ECM2: variants seen among roughly 807,000 people sequenced by gnomAD.
ECM2 encodes the protein extracellular matrix protein 2.
Under a neutral mutation model 67.5 loss-of-function variants are expected in ECM2, and 57 were observed. The observed-to-expected ratio is 0.84, with a 90% confidence interval of 0.68 to 1.05. The LOEUF (loss-of-function observed/expected upper bound fraction) is 1.05, where lower values mean the gene tolerates loss of function less well. Ranked by LOEUF, ECM2 falls within the 50% of genes least tolerant of loss-of-function variation. The probability of loss-of-function intolerance (pLI) is 0.00; values close to 1 mark genes in which losing one functional copy is unlikely to be tolerated. For synonymous variants in ECM2, 258 were observed against 294.5 expected, an observed-to-expected ratio of 0.88 and a Z score of 1.27; for missense variants, 741 against 822.8, an observed-to-expected ratio of 0.90 and a Z score of 1.22.
chr9:92,548,677 CA>C, the ECM2 span, among the ~76,000 whole-genome samples: 1 of 151,930 alleles, frequency 6.6e-6, no homozygotes, highest in African/African-American at 2.4e-5. Context: ...AATGAAGTAA[CA>C]AAAAATAGGC....
intron 4 of ECM2, among the ~76,000 whole-genome samples, chr9:92,514,166 T>A (rs1057429067): frequency 6.6e-6 from 1 of 151,450 alleles, no homozygotes; most frequent in Non-Finnish European, 1.5e-5. Context: ...CTCGCTCTGT[T>A]GCCTAGACTA....
chr9:92,526,949 T>A (rs867770896), intron 1 of ECM2, among the ~76,000 whole-genome samples: 4 of 152,300 alleles, frequency 2.6e-5, no homozygotes, highest in East Asian at 1.9e-4. Flanking sequence ...TACCATTTTT[T>A]AAATTATTTT....
intron 4 of ECM2, among the ~76,000 whole-genome samples, chr9:92,513,526 C>T (rs1466208293): frequency 1.3e-5 from 2 of 152,172 alleles, no homozygotes; most frequent in African/African-American, 4.8e-5. Context: ...TACATAATCA[C>T]CCCAAACTGG....
At chr9:92,530,561 T>G (rs1848684227) in intron 1 of ECM2, among the ~76,000 whole-genome samples, 1 of 152,248 alleles carries the variant, frequency 6.6e-6, no homozygotes, top group South Asian at 2.1e-4. Flanking sequence ...GCCTTGTTTG[T>G]CCTAATGATT....
chr9:92,496,236 A>G lies in ECM2; in HGVS notation c.*79T>C. 1 of 1,498,062 alleles carries G rather than the reference A, an allele frequency of 6.7e-7. No homozygotes were observed. The highest frequency in any genetic ancestry group is 1.4e-5 in the African/African-American group (1 of 70,560). The allele number at this position is 1,498,062 out of a possible 1,614,324, so 92.8% of individuals were successfully genotyped here. A position where few individuals can be genotyped will look rare whatever the true frequency, so the allele number is the denominator to read the frequency against. On this transcript the variant is annotated 3_prime_UTR_variant, in exon 10 of 10. Coordinates refer to ENST00000344604, the MANE Select transcript of ECM2 (RefSeq NM_001393.4). Reference sequence around the variant, plus strand: ...TGATACTGAGTATAACAGGAGGATTATGTCTCTCTTATTAATGACAAATGC... The same window carrying G: ...TGATACTGAGTATAACAGGAGGATTGTGTCTCTCTTATTAATGACAAATGC...
chr9:92,502,685 T>A (rs1306677525), intron 7 of ECM2, 33 bp from the exon 8 acceptor site: 2 of 1,485,092 alleles, frequency 1.3e-6, no homozygotes, highest in African/African-American at 2.8e-5. Flanking sequence ...TTATTTTTCT[T>A]TTGTGTTAGT....
the ECM2 span, among the ~76,000 whole-genome samples, chr9:92,548,670 G>A: frequency 6.6e-6 from 1 of 152,158 alleles, no homozygotes; most frequent in African/African-American, 2.4e-5. Flanking sequence ...AGTTAAGAAT[G>A]AAGTAACAAA....
chr9:92,555,643 T>C, the ECM2 span, among the ~76,000 whole-genome samples: 2 of 152,240 alleles, frequency 1.3e-5, no homozygotes, highest in African/African-American at 4.8e-5. Flanking sequence ...CAGGAACTTA[T>C]TCATCTCTTC....
chr9:92,539,349 C>G (rs1051635077), upstream of ECM2, among the ~76,000 whole-genome samples: 19 of 141,614 alleles, frequency 1.3e-4, no homozygotes, highest in African/African-American at 4.7e-4. Context: ...CCCCGCTCCC[C>G]CACCCCCCAC....
intron 9 of ECM2, among the ~76,000 whole-genome samples, chr9:92,499,723 G>A (rs1203573600): frequency 6.6e-6 from 1 of 152,126 alleles, no homozygotes; most frequent in Non-Finnish European, 1.5e-5. Flanking sequence ...TTAAAAACAC[G>A]AACTTTTCTG....
At chr9:92,538,414 C>A (rs932983262), upstream of ECM2, among the ~76,000 whole-genome samples, 1 of 152,084 alleles carries the variant, frequency 6.6e-6, no homozygotes. Context: ...GTAATTACAG[C>A]GAGACTTTTA....
At chr9:92,516,289 A>T (rs536327133) in intron 3 of ECM2, among the ~76,000 whole-genome samples, 3 of 151,736 alleles carry the variant, frequency 2.0e-5, no homozygotes, top group South Asian at 2.1e-4. Flanking sequence ...GGTCTCGAAC[A>T]CCTGACCTTG....
chr9:92,496,252 T>A lies in ECM2; in HGVS notation c.*63A>T. ...AGGAGGATTATGTCTCTCTTATTAA[T>A]GACAAATGCAGCTACTACAAATACA... On this transcript the variant is annotated 3_prime_UTR_variant, in exon 10 of 10. Transcript: ENST00000344604. 2 of 1,510,938 alleles carry A rather than the reference T, an allele frequency of 1.3e-6. No individual in the cohort carries two copies. The highest frequency in any genetic ancestry group is 2.3e-5 in the East Asian group (1 of 42,610). The allele number at this position is 1,510,938 out of a possible 1,614,324, so 93.6% of individuals were successfully genotyped here.
rs542013178 is a variant in ECM2, at chr9:92,495,786, G to C, written c.*529C>G. On this transcript the variant is annotated 3_prime_UTR_variant, in exon 10 of 10. Transcript: ENST00000344604. Reference sequence around the variant, plus strand: ...TACACATGTAATTAATGGAAGAAATGAAAGCTACCCCAATATTCAGTTATA... The same window carrying C: ...TACACATGTAATTAATGGAAGAAATCAAAGCTACCCCAATATTCAGTTATA... 7 of 950,946 alleles carry C rather than the reference G, an allele frequency of 7.4e-6. No individual in the cohort carries two copies. Among genetic ancestry groups the C allele is most frequent in the Non-Finnish European group, 8.8e-6 (7 of 798,674 alleles). The allele number at this position is 950,946 out of a possible 1,614,324, so 58.9% of individuals were successfully genotyped here. A position where few individuals can be genotyped will look rare whatever the true frequency, so the allele number is the denominator to read the frequency against.
intron 2 of ECM2, among the ~76,000 whole-genome samples, chr9:92,521,604 C>T (rs1287482107): frequency 1.3e-5 from 2 of 152,112 alleles, no homozygotes; most frequent in Non-Finnish European, 2.9e-5. Flanking sequence ...TTAGTGGTAA[C>T]ATGTCTATAA....
upstream of ECM2, among the ~76,000 whole-genome samples, chr9:92,536,376 A>G (rs982736329): frequency 6.6e-6 from 1 of 152,170 alleles, no homozygotes; most frequent in African/African-American, 2.4e-5. Context: ...GATTATAGGG[A>G]TGATATTCTC....
intron 9 of ECM2, among the ~76,000 whole-genome samples, chr9:92,496,855 G>A (rs551360041): frequency 6.6e-6 from 1 of 151,268 alleles, no homozygotes; most frequent in Non-Finnish European, 1.5e-5. Flanking sequence ...AATCTAGGAG[G>A]AAAATGGAAA....
At position 92,522,745 on chromosome 9, in the gene ECM2, C is replaced by G; in HGVS notation, c.122G>C (p.Ser41Thr). ...TGATCTGTGCTTGTGTGAGGTTGAA[C>G]TTTTCCTCAACCTTCTGTGGTAGAT... The part of the protein sequence containing the change: ...RKIYHRRLRK[S>T]STSHKHRSNR... Residue 41 changes from serine (S) to threonine (T), a missense_variant, in exon 2 of 10, where the codon AGT (serine) becomes ACT (threonine). Coordinates refer to ENST00000344604, the MANE Select transcript of ECM2 (RefSeq NM_001393.4). 1 of 1,614,146 alleles carries G rather than the reference C, an allele frequency of 6.2e-7. No individual in the cohort carries two copies. The highest frequency in any genetic ancestry group is 8.5e-7 in the Non-Finnish European group (1 of 1,180,024).
chr9:92,518,577 C>T (rs909756960), intron 2 of ECM2, among the ~76,000 whole-genome samples: 1 of 152,182 alleles, frequency 6.6e-6, no homozygotes, highest in African/African-American at 2.4e-5. Context: ...ATATGATTCA[C>T]ATACTATAAT....
Sources: gnomAD v4.1 joint callset for allele counts (sites outside exome capture counted in the v4.1 genomes callset) on GRCh38, gnomAD v4.1.1 for gene constraint, MANE v1.5 for transcripts, NCBI Gene and HGNC (gene_info 2026-07-23, HGNC 2026-07-21) for gene names.